The following TBC1D19 variants were observed in gnomAD, a reference collection of about 807,000 sequenced individuals.
The protein encoded by TBC1D19 is TBC1 domain family member 19, also known as TBC1 domain family, member 19.
A neutral mutation model predicts 89.0 loss-of-function variants in TBC1D19; 60 were observed. The ratio of observed to expected loss-of-function variants is 0.67; its 90% CI spans 0.55 to 0.84. The LOEUF is 0.84. Ranked by LOEUF, TBC1D19 falls within the 40% of genes least tolerant of loss-of-function variation. The pLI, the probability that TBC1D19 is intolerant of heterozygous loss-of-function variation, is 0.00. For synonymous variants in TBC1D19, 189 were observed against 199.7 expected, an observed-to-expected ratio of 0.95 and a Z score of 0.45; for missense variants, 500 against 610.8, an observed-to-expected ratio of 0.82 and a Z score of 1.91.
intron 15 of TBC1D19, among the ~76,000 whole-genome samples, chr4:26,733,486 C>G (rs974807805): frequency 4.0e-5 from 6 of 150,684 alleles, no homozygotes; most frequent in Non-Finnish European, 7.4e-5. Context: ...CACACACACT[C>G]TTTAGTGATA....
intron 1 of TBC1D19, among the ~76,000 whole-genome samples, chr4:26,604,711 T>C (rs943621600): frequency 6.6e-6 from 1 of 150,672 alleles, no homozygotes; most frequent in Non-Finnish European, 1.5e-5. Context: ...CTGTGTCTAC[T>C]AAAAATACAT....
intron 1 of TBC1D19, among the ~76,000 whole-genome samples, chr4:26,601,701 T>C (rs1740619858): frequency 6.6e-6 from 1 of 152,136 alleles, no homozygotes; most frequent in Non-Finnish European, 1.5e-5. Context: ...ATGGAGTTGG[T>C]TTTTAGGAAC....
At chr4:26,746,523 T>A (rs1475501077) in intron 18 of TBC1D19, among the ~76,000 whole-genome samples, 1 of 152,188 alleles carries the variant, frequency 6.6e-6, no homozygotes, top group Non-Finnish European at 1.5e-5. Flanking sequence ...GGTTATTGTA[T>A]TTTTCAGTTC....
chr4:26,698,814 A>G (rs1266398605), intron 13 of TBC1D19, among the ~76,000 whole-genome samples: 4 of 152,230 alleles, frequency 2.6e-5, no homozygotes, highest in Non-Finnish European at 4.4e-5. Context: ...AGCCATATGT[A>G]GAAAGCTGAA....
At chr4:26,793,633 G>A in the TBC1D19 span, among the ~76,000 whole-genome samples, 30 of 149,978 alleles carry the variant, frequency 2.0e-4, no homozygotes, top group Middle Eastern at 3.4e-3. Flanking sequence ...TGAGGTGGGG[G>A]AATCGCTTGA....
chr4:26,764,536 A>G, the TBC1D19 span, among the ~76,000 whole-genome samples: 1 of 152,206 alleles, frequency 6.6e-6, no homozygotes, highest in African/African-American at 2.4e-5. Context: ...AGCAGTAAGA[A>G]AGATGATATA....
chr4:26,727,897 G>T (rs1417732321), intron 15 of TBC1D19, among the ~76,000 whole-genome samples: 2 of 152,190 alleles, frequency 1.3e-5, no homozygotes, highest in African/African-American at 4.8e-5. Flanking sequence ...GCTGGATGCT[G>T]AAGATAATAC....
chr4:26,625,108 T>A (rs1742309418), intron 4 of TBC1D19, among the ~76,000 whole-genome samples: 1 of 152,180 alleles, frequency 6.6e-6, no homozygotes, highest in African/African-American at 2.4e-5. Context: ...TAACTTCACT[T>A]AGCTCTTGAT....
chr4:26,723,267 C>CT (rs201108855), intron 15 of TBC1D19, among the ~76,000 whole-genome samples: 344 of 148,464 alleles, frequency 2.3e-3, no homozygotes, highest in Middle Eastern at 0.011. Context: ...CTCTCCCCCG[C>CT]TTTTTTTTTT....
chr4:26,850,540 C>CAAAAAAAA, the TBC1D19 span, among the ~76,000 whole-genome samples: 12,419 of 89,170 alleles, frequency 0.14, 1,309 homozygotes, highest in Non-Finnish European at 0.17. Flanking sequence ...GACCCTGTCT[C>CAAAAAAAA]AAAAAAAAAA....
chr4:26,830,205 C>T, the TBC1D19 span, among the ~76,000 whole-genome samples: 86,658 of 152,032 alleles, frequency 0.57, 25,571 homozygotes, highest in African/African-American at 0.73. Context: ...AATTACCCCC[C>T]CTTTTTGCCT....
chr4:26,743,266 G>A (rs1718474001), intron 18 of TBC1D19, among the ~76,000 whole-genome samples: 1 of 152,076 alleles, frequency 6.6e-6, no homozygotes, highest in South Asian at 2.1e-4. Flanking sequence ...TGTTAAGGAG[G>A]GCATATTTGA....
the TBC1D19 span, among the ~76,000 whole-genome samples, chr4:26,815,717 G>C: frequency 6.6e-6 from 1 of 152,194 alleles, no homozygotes; most frequent in African/African-American, 2.4e-5. Flanking sequence ...ATTTTGGTCA[G>C]GCTAATTACA....
At chr4:26,740,641 C>A in intron 17 of TBC1D19, 1 of 985,074 alleles carries the variant, frequency 1.0e-6, no homozygotes, top group South Asian at 4.7e-5. Context: ...TTTCCCTTCC[C>A]ATAAACCTGA....
the TBC1D19 span, among the ~76,000 whole-genome samples, chr4:26,816,280 G>T: frequency 1.1e-4 from 16 of 152,034 alleles, no homozygotes; most frequent in Admixed American, 9.8e-4. Flanking sequence ...ACATTACACC[G>T]CAATTATCTG....
intron 13 of TBC1D19, among the ~76,000 whole-genome samples, chr4:26,714,209 C>T (rs1008137363): frequency 3.9e-5 from 6 of 151,976 alleles, no homozygotes; most frequent in South Asian, 4.1e-4. Context: ...AATGAGGCAG[C>T]TCTGTATATA....
At chr4:26,842,565 CCT>C in the TBC1D19 span, among the ~76,000 whole-genome samples, 1 of 115,816 alleles carries the variant, frequency 8.6e-6, no homozygotes, top group Non-Finnish European at 1.8e-5. Flanking sequence ...CTCTTTCTTT[CCT>C]TTTCCTTCCT....
intron 4 of TBC1D19, among the ~76,000 whole-genome samples, chr4:26,629,399 C>G (rs961763532): frequency 6.6e-6 from 1 of 152,034 alleles, no homozygotes; most frequent in East Asian, 1.9e-4. Context: ...TCTATCATCA[C>G]TTAGATTCTT....
intron 1 of TBC1D19, among the ~76,000 whole-genome samples, chr4:26,598,997 G>A: frequency 6.6e-6 from 1 of 151,948 alleles, no homozygotes; most frequent in Non-Finnish European, 1.5e-5. Context: ...GGAGTCTGGC[G>A]ATGATTACAC....
Sources: gnomAD v4.1 joint callset for allele counts (sites outside exome capture counted in the v4.1 genomes callset) on GRCh38, gnomAD v4.1.1 for gene constraint, MANE v1.5 for transcripts, NCBI Gene and HGNC (gene_info 2026-07-23, HGNC 2026-07-21) for gene names.